The following MDH1 variants were observed in gnomAD, a reference collection of about 807,000 sequenced individuals.
The protein encoded by MDH1 is malate dehydrogenase 1, also known as malate dehydrogenase, cytoplasmic.
MDH1 carries 15 observed loss-of-function variants against 38.7 expected under a neutral mutation model. The ratio of observed to expected loss-of-function variants is 0.39; its 90% CI spans 0.26 to 0.60. MDH1 has a LOEUF of 0.60. MDH1 is among the 20% of genes least tolerant of loss of function. MDH1 has a pLI of 0.56. For synonymous variants in MDH1, 144 were observed against 143.6 expected (o/e 1.00, Z -0.02); for missense variants, 368 against 405.2 (o/e 0.91, Z 0.79).
chr2:63,595,599 C>G (rs1709295557), intron 3 of MDH1, 80 bp downstream of exon 3: 2 of 830,956 alleles, frequency 2.4e-6, no homozygotes, highest in African/African-American at 1.7e-5. Context: ...GTTAAAGGCT[C>G]TCAATTAGAA....
chr2:63,594,788 A>C, intron 2 of MDH1: 1 of 475,748 alleles, frequency 2.1e-6, no homozygotes, highest in South Asian at 2.3e-5. Context: ...GCAAATGAGA[A>C]CTCTTCCATA....
chr2:63,599,103 A>C (rs1444946381), intron 4 of MDH1, 67 bp from the exon 5 acceptor site: 1 of 1,515,476 alleles, frequency 6.6e-7, no homozygotes, highest in African/African-American at 1.4e-5. Context: ...TTTTCAGTCA[A>C]ATTTTAACAT....
intron 1 of MDH1, chr2:63,589,340 A>T: frequency 5.2e-6 from 8 of 1,550,660 alleles, no homozygotes; most frequent in Non-Finnish European, 7.0e-6. Context: ...GCGACGCTGC[A>T]GCTATTTTCC....
At chr2:63,599,814 A>C (rs905535171) in intron 5 of MDH1, 2 of 152,214 alleles carry the variant, frequency 1.3e-5, no homozygotes, top group South Asian at 2.1e-4. Context: ...ACTACTTAGG[A>C]GCTAAAGTCT....
chr2:63,600,558 A>G (rs1212549270), intron 5 of MDH1, among the ~76,000 whole-genome samples: 1 of 152,260 alleles, frequency 6.6e-6, no homozygotes, highest in Non-Finnish European at 1.5e-5. Flanking sequence ...AGGATTAAAT[A>G]AGATCTGTTT....
chr2:63,592,128 C>T (rs1709211616), intron 1 of MDH1, among the ~76,000 whole-genome samples: 1 of 152,022 alleles, frequency 6.6e-6, no homozygotes, highest in Non-Finnish European at 1.5e-5. Context: ...CAATGGATTC[C>T]CTGGCCTAAA....
At chr2:63,600,739 C>CTA (rs1379606732) in intron 5 of MDH1, among the ~76,000 whole-genome samples, 8 of 152,122 alleles carry the variant, frequency 5.3e-5, no homozygotes, top group Non-Finnish European at 1.2e-4. Flanking sequence ...CCCTGAGAGG[C>CTA]TATAGGCTGT....
intron 1 of MDH1, 155 bp downstream of exon 1, chr2:63,589,201 T>A: frequency 2.0e-5 from 32 of 1,591,436 alleles, no homozygotes; most frequent in Non-Finnish European, 2.7e-5. Flanking sequence ...ATTGCCGCAG[T>A]GACCCAGTAA....
chr2:63,594,259 A>G (rs754276628), intron 1 of MDH1: 2 of 622,698 alleles, frequency 3.2e-6, no homozygotes, highest in Non-Finnish European at 6.1e-6. Flanking sequence ...GGTGGATAAG[A>G]TTATGTAAGT....
rs1709077839 is a variant in MDH1, at chr2:63,588,965, G to C, written c.-79G>C. 3 of 1,606,414 alleles carry C rather than the reference G, an allele frequency of 1.9e-6. No homozygotes were observed. The highest frequency in any genetic ancestry group is 3.3e-5 in the Admixed American group (2 of 60,018). On this transcript the variant is annotated 5_prime_UTR_variant, in exon 1 of 9. Coordinates refer to ENST00000233114, the MANE Select transcript of MDH1 (RefSeq NM_005917.4). ...CGCTAACACCGCTCGCCCTCTCCGAGTCAGTTCCGCGGTAGAGGTGACCTG... is the reference window on the plus strand; with the variant it reads ...CGCTAACACCGCTCGCCCTCTCCGACTCAGTTCCGCGGTAGAGGTGACCTG...
chr2:63,589,295 G>C, intron 1 of MDH1: 1 of 1,550,762 alleles, frequency 6.4e-7, no homozygotes, highest in South Asian at 1.2e-5. Flanking sequence ...GGAGAGGAGC[G>C]ATCTTAATCC....
chr2:63,606,482 G>A (rs262472), intron 8 of MDH1, among the ~76,000 whole-genome samples: 122,257 of 152,194 alleles, frequency 0.8, 49,761 homozygotes, highest in East Asian at 0.98. Flanking sequence ...TCAGGTCATT[G>A]AAAGTTTTTA....
At chr2:63,592,507 A>G (rs1709219254) in intron 1 of MDH1, among the ~76,000 whole-genome samples, 2 of 151,908 alleles carry the variant, frequency 1.3e-5, no homozygotes, top group South Asian at 4.2e-4. Context: ...CTGCCACCAC[A>G]CCCAGCTAAA....
At chr2:63,605,872 T>A in intron 7 of MDH1, 67 bp from the exon 8 acceptor site, 1 of 1,306,178 alleles carries the variant, frequency 7.7e-7, no homozygotes, top group Non-Finnish European at 1.1e-6. Context: ...CTGGTTTAAT[T>A]TTATTAGTTC....
intron 5 of MDH1, among the ~76,000 whole-genome samples, chr2:63,600,899 A>G (rs1321497390): frequency 1.3e-5 from 2 of 152,220 alleles, no homozygotes; most frequent in African/African-American, 4.8e-5. Flanking sequence ...TTTAGTTCCT[A>G]CAACAAGAAA....
In MDH1 at chr2:63,594,499, C is replaced by A; in HGVS notation, c.15C>A (p.Ile5=). The A allele has an allele frequency of 1.2e-6, 2 of 1,612,992 alleles. No homozygotes were observed. The highest frequency in any genetic ancestry group is 1.1e-5 in the South Asian group (1 of 91,052). MSEP[I]RVLVTGAAGQ... The stretch of plus-strand genomic sequence containing the variant: ...CTTTTTCATTACAGTCTGAACCAAT[C>A]AGAGTCCTTGTGACTGGAGCAGCTG... The change falls in exon 2 of 9, where the codon ATC becomes ATA. Residue 5 remains isoleucine (I), a synonymous_variant. Transcript: ENST00000233114.
intron 2 of MDH1, chr2:63,594,805 A>G (rs557243454): frequency 5.7e-4 from 237 of 418,210 alleles, no homozygotes; most frequent in African/African-American, 3.9e-3. Flanking sequence ...CATATATTGT[A>G]CTCAGTTGAC....
chr2:63,589,248 G>C, intron 1 of MDH1: 1 of 1,553,304 alleles, frequency 6.4e-7, no homozygotes, highest in Non-Finnish European at 8.7e-7. Context: ...GGGGTATGGG[G>C]CGCTCTTAGG....
At chr2:63,597,748 C>T (rs142332064) in intron 4 of MDH1, 174 bp downstream of exon 4, 114 of 471,352 alleles carry the variant, frequency 2.4e-4, no homozygotes, top group Non-Finnish European at 3.5e-4. Context: ...TTTTTTCTTA[C>T]AGTATAGAAA....
Sources: gnomAD v4.1 joint callset for allele counts (sites outside exome capture counted in the v4.1 genomes callset) on GRCh38, gnomAD v4.1.1 for gene constraint, MANE v1.5 for transcripts, NCBI Gene and HGNC (gene_info 2026-07-23, HGNC 2026-07-21) for gene names.